Variants in IL1RAPL2 observed in about 807,000 individuals in gnomAD.
The protein encoded by IL1RAPL2 is X-linked interleukin-1 receptor accessory protein-like 2.
IL1RAPL2 carries 3 observed loss-of-function variants against 44.1 expected under a neutral mutation model. That is an observed-to-expected ratio of 0.07 (90% CI 0.03 to 0.18). The LOEUF (loss-of-function observed/expected upper bound fraction) is 0.18. IL1RAPL2 is among the 10% of genes least tolerant of loss of function. The probability of loss-of-function intolerance (pLI) is 1.00; values close to 1 mark genes in which losing one functional copy is unlikely to be tolerated. For synonymous variants in IL1RAPL2, 181 were observed against 178.8 expected, an observed-to-expected ratio of 1.01 and a Z score of -0.10; for missense variants, 391 against 496.4, an observed-to-expected ratio of 0.79 and a Z score of 2.02.
At chrX:104,918,862 T>C (rs1924541932) in intron 2 of IL1RAPL2, among the ~76,000 whole-genome samples, 1 of 111,890 alleles carries the variant, frequency 8.9e-6, no homozygotes, top group Admixed American at 9.6e-5. Context: ...AAATTTATTT[T>C]TAAAGCCTTG....
intron 6 of IL1RAPL2, among the ~76,000 whole-genome samples, chrX:105,595,839 T>G (rs747041145): frequency 9.9e-4 from 110 of 111,509 alleles, no homozygotes; most frequent in Non-Finnish European, 1.4e-3. Flanking sequence ...TTCAATCTCC[T>G]TATATATTAT....
chrX:104,971,329 CAG>C (rs2030231545), intron 2 of IL1RAPL2, among the ~76,000 whole-genome samples: 1 of 111,339 alleles, frequency 9.0e-6, no homozygotes, highest in South Asian at 3.8e-4. Flanking sequence ...GCCTGGGTGA[CAG>C]AGCGAGACTC....
intron 2 of IL1RAPL2, among the ~76,000 whole-genome samples, chrX:105,012,637 TCTCTCTCTCACACA>T (rs2031075573): frequency 2.8e-5 from 2 of 71,868 alleles, no homozygotes; most frequent in African/African-American, 6.6e-5. Context: ...TCTCTCTCTC[TCTCTCTCTCACACA>T]CACACACACA....
At chrX:104,762,248 C>T (rs1602715846) in intron 2 of IL1RAPL2, among the ~76,000 whole-genome samples, 2 of 110,817 alleles carry the variant, frequency 1.8e-5, no homozygotes, top group Middle Eastern at 9.2e-3. Context: ...ATCCACCTGC[C>T]TCGGCCTCCC....
chrX:105,506,638 C>T (rs981144811), intron 6 of IL1RAPL2, among the ~76,000 whole-genome samples: 6 of 111,422 alleles, frequency 5.4e-5, no homozygotes, highest in African/African-American at 2.0e-4. Context: ...ATTGGTTCCA[C>T]CTCTGAAAAG....
intron 2 of IL1RAPL2, among the ~76,000 whole-genome samples, chrX:104,997,825 C>T (rs773798469): frequency 3.5e-4 from 39 of 111,414 alleles, no homozygotes; most frequent in African/African-American, 1.2e-3. Context: ...GAGACAGTTT[C>T]TGATTGAGGG....
intron 4 of IL1RAPL2, among the ~76,000 whole-genome samples, chrX:105,250,672 T>C (rs748041733): frequency 1.8e-5 from 2 of 111,479 alleles, no homozygotes; most frequent in African/African-American, 6.5e-5. Flanking sequence ...TACGCTTTTC[T>C]GAAAATGTAT....
chrX:105,138,449 T>C (rs193225170), intron 2 of IL1RAPL2, among the ~76,000 whole-genome samples: 30 of 93,022 alleles, frequency 3.2e-4, no homozygotes, highest in Admixed American at 9.9e-4. Flanking sequence ...TGAAGGTATT[T>C]ATAATCCAAT....
At chrX:104,893,890 T>C (rs1403673128) in intron 2 of IL1RAPL2, among the ~76,000 whole-genome samples, 1 of 112,216 alleles carries the variant, frequency 8.9e-6, no homozygotes, top group Non-Finnish European at 1.9e-5. Flanking sequence ...CTGGATGGTC[T>C]TTAAAATTTG....
chrX:104,901,683 G>T (rs1020707624), intron 2 of IL1RAPL2, among the ~76,000 whole-genome samples: 4 of 111,142 alleles, frequency 3.6e-5, no homozygotes, highest in South Asian at 3.8e-4. Context: ...ATAGAGGGGG[G>T]ACATTGAAAC....
At chrX:105,429,375 T>G (rs2035832410) in intron 5 of IL1RAPL2, among the ~76,000 whole-genome samples, 1 of 112,108 alleles carries the variant, frequency 8.9e-6, no homozygotes, top group Non-Finnish European at 1.9e-5. Context: ...CATCCTTTAT[T>G]GTCAGAGATT....
At chrX:105,461,735 T>C (rs963847330) in intron 5 of IL1RAPL2, among the ~76,000 whole-genome samples, 11 of 111,195 alleles carry the variant, frequency 9.9e-5, no homozygotes, top group Non-Finnish European at 1.9e-5. Context: ...AGAGGAATAA[T>C]AGCAGAGTAT....
chrX:105,263,617 TCTGGGCTTTCAA>T (rs1160317992), intron 4 of IL1RAPL2, among the ~76,000 whole-genome samples: 3 of 111,472 alleles, frequency 2.7e-5, no homozygotes, highest in African/African-American at 9.8e-5. Flanking sequence ...AGTTGTGCAT[TCTGGGCTTTCAA>T]CCCAGCAACT....
intron 2 of IL1RAPL2, among the ~76,000 whole-genome samples, chrX:104,938,511 G>T (rs780875736): frequency 6.4e-4 from 71 of 111,632 alleles, no homozygotes; most frequent in South Asian, 1.9e-3. Flanking sequence ...TATTATGAAT[G>T]CAGATTTGTT....
At chrX:104,675,998 C>T (rs904673304) in intron 2 of IL1RAPL2, among the ~76,000 whole-genome samples, 7 of 106,647 alleles carry the variant, frequency 6.6e-5, no homozygotes, top group African/African-American at 2.4e-4. Flanking sequence ...TGTGTCTCTG[C>T]ACGTGAGATG....
rs1923945801 is a variant in IL1RAPL2, at chrX:104,905,073, A to G, written c.82+246078A>G. ...GGCCAGTGATGATGAGCATTTTTTC[A>G]TGTGTTTTTTGGCTGCATAAATGTC... On this transcript the variant is annotated intron_variant, in intron 2 of 10. Transcript: ENST00000372582. 3.6e-5 allele frequency among the ~76,000 whole-genome samples: 4 copies of G among 110,587 alleles called. No homozygotes were observed. The Admixed American group carries it at 3.8e-4, about 11-fold the overall frequency.
intron 1 of IL1RAPL2, among the ~76,000 whole-genome samples, chrX:104,609,705 C>A (rs1401953792): frequency 8.9e-6 from 1 of 111,841 alleles, no homozygotes; most frequent in Non-Finnish European, 1.9e-5. Flanking sequence ...CCCATCAGGT[C>A]ATTTGTGTTA....
At chrX:105,002,068 T>G (rs1195222506) in intron 2 of IL1RAPL2, among the ~76,000 whole-genome samples, 1 of 110,591 alleles carries the variant, frequency 9.0e-6, no homozygotes, top group Non-Finnish European at 1.9e-5. Context: ...TGAAATTGAA[T>G]GAGTGCAAGC....
At chrX:104,870,424 G>T (rs933290014) in intron 2 of IL1RAPL2, among the ~76,000 whole-genome samples, 4 of 112,575 alleles carry the variant, frequency 3.6e-5, no homozygotes, top group African/African-American at 1.3e-4. Context: ...CTTACTATGT[G>T]CCAGGCACTA....
Sources: gnomAD v4.1 joint callset for allele counts (sites outside exome capture counted in the v4.1 genomes callset) on GRCh38, gnomAD v4.1.1 for gene constraint, MANE v1.5 for transcripts, NCBI Gene and HGNC (gene_info 2026-07-23, HGNC 2026-07-21) for gene names.